PAK6: variants seen among roughly 807,000 people sequenced by gnomAD.
The protein encoded by PAK6 is p21 (RAC1) activated kinase 6, also known as serine/threonine-protein kinase PAK 6.
A neutral mutation model predicts 60.8 loss-of-function variants in PAK6; 33 were observed. The ratio of observed to expected loss-of-function variants is 0.54; its 90% CI spans 0.41 to 0.73. PAK6 has a LOEUF of 0.73. Among genes scored for constraint, PAK6 ranks in the 30% least tolerant of loss-of-function variants. The pLI is 0.00. For synonymous variants in PAK6, 404 were observed against 378.5 expected, an observed-to-expected ratio of 1.07 and a Z score of -0.78; for missense variants, 845 against 904.1, an observed-to-expected ratio of 0.93 and a Z score of 0.84.
Position 40,270,770 on chromosome 15 carries a change from G to A in PAK6, c.859-1454G>A, listed in dbSNP as rs569708524. ...CTGTGAAGGTCAAGCACACACTCGG[G>A]TGGGCAGGCAGGTGTGGGGGTGGCA... is the stretch of plus-strand genomic sequence containing the variant. On this transcript the variant is annotated intron_variant, in intron 5 of 10. Transcript: ENST00000560346. Among the ~76,000 whole-genome samples the A allele has an allele frequency of 5.3e-5, 8 of 152,376 alleles. 1 individual carries two copies. The highest frequency in any genetic ancestry group is 5.2e-4 in the Admixed American group (8 of 15,310).
intron 3 of PAK6, among the ~76,000 whole-genome samples, chr15:40,256,550 C>T (rs1288345469): frequency 6.6e-6 from 1 of 152,112 alleles, no homozygotes; most frequent in Non-Finnish European, 1.5e-5. Flanking sequence ...CGGGGCTCAC[C>T]TCTGTCTTGG....
At chr15:40,248,537 G>A (rs2038561272) in intron 2 of PAK6, among the ~76,000 whole-genome samples, 8 of 152,200 alleles carry the variant, frequency 5.3e-5, no homozygotes, top group Admixed American at 5.2e-4. Flanking sequence ...ATCTGGGTCT[G>A]TGAAGGGCAG....
chr15:40,269,645 T>C (rs533892789), intron 5 of PAK6, among the ~76,000 whole-genome samples: 2 of 152,232 alleles, frequency 1.3e-5, no homozygotes, highest in East Asian at 3.9e-4. Context: ...AGACAGGCAG[T>C]GAAGCCAACG....
At chr15:40,256,225 T>TA (rs869135732) in intron 3 of PAK6, among the ~76,000 whole-genome samples, 96 of 151,866 alleles carry the variant, frequency 6.3e-4, no homozygotes, top group African/African-American at 2.2e-3. Flanking sequence ...ACTCTGTCTC[T>TA]AAAAAAAAAT....
At chr15:40,246,163 T>C (rs1358233929) in intron 2 of PAK6, 1 of 152,238 alleles carries the variant, frequency 6.6e-6, no homozygotes, top group East Asian at 1.9e-4. Context: ...GGTAACTTCA[T>C]GTCTTAGGCC....
chr15:40,243,366 C>CTCGGGCAAGT (rs1229899499), intron 2 of PAK6, among the ~76,000 whole-genome samples: 1 of 152,140 alleles, frequency 6.6e-6, no homozygotes, highest in East Asian at 1.9e-4. Flanking sequence ...TTCCTGGTGA[C>CTCGGGCAAGT]TCGGGCAAGT....
intron 5 of PAK6, among the ~76,000 whole-genome samples, chr15:40,269,601 T>C (rs767924980): frequency 1.3e-5 from 2 of 152,212 alleles, no homozygotes; most frequent in African/African-American, 4.8e-5. Flanking sequence ...GGTCCTTGCT[T>C]GTGATTACAT....
chr15:40,252,668 G>T, intron 2 of PAK6: 1 of 1,316,494 alleles, frequency 7.6e-7, no homozygotes. Context: ...CTCTTCGAGC[G>T]TTCCTGGGCT....
chr15:40,249,870 T>C (rs964496068), intron 2 of PAK6, among the ~76,000 whole-genome samples: 1 of 152,232 alleles, frequency 6.6e-6, no homozygotes, highest in Admixed American at 6.5e-5. Context: ...CCAATGCCTC[T>C]GAGATGGCAC....
chr15:40,276,148 G>T (rs1019826921), exon 11 of PAK6: 2 of 1,555,174 alleles, frequency 1.3e-6, no homozygotes, highest in African/African-American at 1.4e-5. Flanking sequence ...ACACTGGGCA[G>T]CCAGCCTGCC....
chr15:40,273,011 G>A lies in PAK6; in HGVS notation c.1490+12G>A. ...GTCTCCCAAGTCAGGTGGGCAGCTG[G>A]GAGGGCTGGACCCTGAGTGCAGGCT... is the stretch of plus-strand genomic sequence containing the variant. On this transcript the variant is annotated intron_variant, in intron 7 of 10. Transcript: ENST00000560346. 6.2e-7 allele frequency: 1 copy of A among 1,612,912 alleles called. No homozygotes were observed. Among genetic ancestry groups the A allele is most frequent in the South Asian group, 1.1e-5 (1 of 91,042 alleles).
intron 3 of PAK6, among the ~76,000 whole-genome samples, chr15:40,261,633 T>C (rs2038988787): frequency 6.6e-6 from 1 of 152,208 alleles, no homozygotes; most frequent in African/African-American, 2.4e-5. Flanking sequence ...ATTTTCTACT[T>C]ACACAGTTAT....
intron 3 of PAK6, chr15:40,264,427 T>A (rs1401083755): frequency 4.2e-6 from 2 of 474,676 alleles, no homozygotes; most frequent in African/African-American, 3.9e-5. Context: ...TCCCCATTTT[T>A]AAAATTCGTT....
chr15:40,267,913 G>A (rs1394307843), intron 5 of PAK6, among the ~76,000 whole-genome samples: 1 of 152,202 alleles, frequency 6.6e-6, no homozygotes, highest in East Asian at 1.9e-4. Flanking sequence ...TCTCTCAGGA[G>A]TCCTGCTGCG....
Position 40,272,644 on chromosome 15 carries a change from A to C in PAK6, c.1279A>C (p.Lys427Gln). Residue 427 changes from lysine to glutamine, a missense_variant, in exon 6 of 11, where the codon AAG becomes CAG. Transcript: ENST00000560346. ...CGGCATCGTCTGCTTGGCCCGGGAGAAGCACTCGGGCCGCCAGGTGGCCGT... is the reference window on the plus strand; with the variant it reads ...CGGCATCGTCTGCTTGGCCCGGGAGCAGCACTCGGGCCGCCAGGTGGCCGT... The C allele has an allele frequency of 3.1e-6, 5 of 1,608,284 alleles. No homozygotes were observed. The highest frequency in any genetic ancestry group is 4.2e-6 in the Non-Finnish European group (5 of 1,179,148).
chr15:40,252,377 G>C (rs1189967031), intron 2 of PAK6: 18 of 1,320,490 alleles, frequency 1.4e-5, no homozygotes, highest in Non-Finnish European at 1.8e-5. Flanking sequence ...GCCAGGGCCC[G>C]GAGGCGAAGG....
chr15:40,255,948 C>T (rs899167844), intron 3 of PAK6, among the ~76,000 whole-genome samples: 7 of 152,206 alleles, frequency 4.6e-5, no homozygotes, highest in African/African-American at 1.7e-4. Flanking sequence ...TAGAGCAACA[C>T]CTGTTTGGAA....
rs536676552 is a variant in PAK6 at position 40,256,340 on chromosome 15, C to T, written c.-6+3051C>T. ...GTCTTCTGTTCGCGGTAATTCTCAG[C>T]CAAGGGGTCAGGTGAGGCCTGTCAC... On this transcript the variant is annotated intron_variant, in intron 3 of 10. Coordinates refer to ENST00000560346, the Ensembl canonical transcript of PAK6. 1.7e-4 allele frequency among the ~76,000 whole-genome samples: 26 copies of T among 152,248 alleles called. No homozygotes were observed. The South Asian group carries it at 4.8e-3, about 28-fold the overall frequency.
chr15:40,274,084 C>T (rs927449195), intron 9 of PAK6, 58 bp from the exon 10 acceptor site: 232 of 1,598,176 alleles, frequency 1.5e-4, no homozygotes, highest in Middle Eastern at 3.3e-4. Flanking sequence ...GCCACCAGAA[C>T]GCAGCTACCA....
Sources: gnomAD v4.1 joint callset for allele counts (sites outside exome capture counted in the v4.1 genomes callset) on GRCh38, gnomAD v4.1.1 for gene constraint, MANE v1.5 for transcripts, NCBI Gene and HGNC (gene_info 2026-07-23, HGNC 2026-07-21) for gene names.